FOCAD: variants seen among roughly 807,000 people sequenced by gnomAD.
The protein encoded by FOCAD is KIAA1797.
In FOCAD, 198 loss-of-function variants were observed where a neutral mutation model predicts 225.6. That is an observed-to-expected ratio of 0.88 (90% confidence interval 0.78 to 0.99). The LOEUF (loss-of-function observed/expected upper bound fraction) is 0.99. Ranked by LOEUF, FOCAD falls within the 50% of genes least tolerant of loss-of-function variation. The pLI is 0.00. For synonymous variants in FOCAD, 897 were observed against 755.0 expected (o/e 1.19, Z -3.08); for missense variants, 2,713 against 2,123.6 (o/e 1.28, Z -5.46).
intron 2 of FOCAD, among the ~76,000 whole-genome samples, chr9:20,662,184 ATG>A (rs376275474): frequency 3.3e-5 from 5 of 150,326 alleles, no homozygotes; most frequent in African/African-American, 4.9e-5. Context: ...GTGGAAATAT[ATG>A]TGTGTGTGTG....
intron 4 of FOCAD, among the ~76,000 whole-genome samples, chr9:20,721,793 C>T (rs754873769): frequency 2.0e-5 from 3 of 151,832 alleles, no homozygotes; most frequent in Non-Finnish European, 2.9e-5. Flanking sequence ...CTTTATAAAT[C>T]GTTTCCTGTT....
intron 4 of FOCAD, among the ~76,000 whole-genome samples, chr9:20,737,761 C>G (rs1173659072): frequency 6.6e-6 from 1 of 152,156 alleles, no homozygotes; most frequent in African/African-American, 2.4e-5. Context: ...AGGCACAGGC[C>G]TGGGTCAGAG....
rs149650860 is a variant in FOCAD, at chr9:20,795,929, A to G, written c.1455+6321A>G. Among the ~76,000 whole-genome samples the G allele has an allele frequency of 7.1e-3, 1,075 of 151,864 alleles. 11 individuals carry two copies. The highest frequency in any genetic ancestry group is 0.025 in the African/African-American group (1,017 of 41,386). ...GCTGTCCCCAATAACGCGTCATTTA[A>G]CATTAGGTATATCTCCTAATGCTAT... On this transcript the variant is annotated intron_variant, in intron 11 of 43. Coordinates refer to ENST00000338382, the MANE Select transcript of FOCAD (RefSeq NM_001375567.1).
intron 37 of FOCAD, 26 bp downstream of exon 37, chr9:20,978,480 C>G: frequency 6.9e-7 from 1 of 1,455,908 alleles, no homozygotes; most frequent in Non-Finnish European, 9.5e-7. Flanking sequence ...GGGTGTTGGC[C>G]AACAGGAGGA....
chr9:20,833,348 G>A (rs1251402310), intron 15 of FOCAD, among the ~76,000 whole-genome samples: 3 of 151,928 alleles, frequency 2.0e-5, no homozygotes, highest in African/African-American at 7.3e-5. Flanking sequence ...TGGTATAAAA[G>A]CCACTAACAT....
chr9:20,937,551 T>G (rs1283257974), intron 28 of FOCAD, among the ~76,000 whole-genome samples: 1 of 151,898 alleles, frequency 6.6e-6, no homozygotes, highest in Admixed American at 6.6e-5. Flanking sequence ...ACTGGATCCC[T>G]TCCTTACACC....
chr9:20,710,465 C>T (rs1045153261), intron 1 of FOCAD, among the ~76,000 whole-genome samples: 20 of 151,622 alleles, frequency 1.3e-4, no homozygotes, highest in African/African-American at 3.6e-4. Flanking sequence ...GGCGTGGTGG[C>T]GGGCACCTGT....
rs781047724 is a variant in FOCAD, at chr9:20,881,897, G to T, written c.2344G>T (p.Val782Leu). Residue 782 changes from valine to leucine, a missense_variant, in exon 20 of 44, where the codon GTG becomes TTG. Physicochemically the swap from Val to Leu is conservative, Grantham distance 32 (BLOSUM62 1). Transcript: ENST00000338382. ...PALEEFFTSL[V>L]KQEMVNMPRG... is the part of the protein sequence containing the mutation. ...TTTGGAGGAATTTTTTACATCACTT[G>T]TGAAGCAAGAAATGGTGAATATGCC... 2.2e-5 allele frequency: 36 copies of T among 1,613,092 alleles called. No homozygotes were observed. In the East Asian group the frequency reaches 7.6e-4, roughly 34 times the overall value.
Position 20,926,415 on chromosome 9 carries a change from T to G in FOCAD, c.3076T>G (p.Tyr1026Asp). 1 of 1,551,806 alleles carries G rather than the reference T, an allele frequency of 6.4e-7. No homozygotes were observed. ...AGGGCAACTTCTCTCCTGGTTTTAT[T>G]ATGTAAGTGCAAAAAATAAAAAATG... ...PRGQLLSWFYYKSYSGENTAS... is the reference protein window; with the variant it reads ...PRGQLLSWFYDKSYSGENTAS... Residue 1026 changes from tyrosine to aspartate, a missense_variant and splice_region_variant, in exon 26 of 44, where the codon TAT (tyrosine) becomes GAT (aspartate). By Grantham distance (160) the Tyr-to-Asp change is radical. Transcript: ENST00000338382.
At chr9:20,870,460 A>T (rs569388883) in intron 18 of FOCAD, among the ~76,000 whole-genome samples, 133 of 152,354 alleles carry the variant, frequency 8.7e-4, no homozygotes, top group Non-Finnish European at 1.5e-3. Flanking sequence ...TACACTTTCC[A>T]GTACAGATGG....
At chr9:20,709,659 T>G (rs1338061286) in intron 1 of FOCAD, among the ~76,000 whole-genome samples, 1 of 152,194 alleles carries the variant, frequency 6.6e-6, no homozygotes, top group Non-Finnish European at 1.5e-5. Flanking sequence ...ATATAAGTCT[T>G]CAGCAAATGA....
At chr9:20,982,672 A>G (rs1840806150) in intron 39 of FOCAD, among the ~76,000 whole-genome samples, 1 of 152,140 alleles carries the variant, frequency 6.6e-6, no homozygotes, top group South Asian at 2.1e-4. Context: ...TAACTTTTTA[A>G]CCCGATTTCT....
At chr9:20,688,783 T>C (rs997645716) in intron 1 of FOCAD, among the ~76,000 whole-genome samples, 2 of 152,138 alleles carry the variant, frequency 1.3e-5, no homozygotes, top group African/African-American at 4.8e-5. Context: ...TCAGATGCCA[T>C]AGGGAATAGG....
intron 2 of FOCAD, among the ~76,000 whole-genome samples, chr9:20,672,661 G>A (rs560011045): frequency 1.3e-5 from 2 of 152,274 alleles, no homozygotes; most frequent in South Asian, 4.1e-4. Flanking sequence ...ACATTGGCCG[G>A]GCTGGTCTTG....
intron 2 of FOCAD, among the ~76,000 whole-genome samples, chr9:20,665,752 T>C (rs1475283186): frequency 1.3e-5 from 2 of 152,124 alleles, no homozygotes; most frequent in Non-Finnish European, 2.9e-5. Context: ...TTTTAATGGC[T>C]GGGCACGGTG....
chr9:20,780,110 C>T (rs143376811), intron 9 of FOCAD, among the ~76,000 whole-genome samples: 84 of 152,238 alleles, frequency 5.5e-4, no homozygotes, highest in Middle Eastern at 6.8e-3. Context: ...CCATAAAATT[C>T]AGAATAAAGT....
chr9:20,946,978 G>A (rs1180978679), intron 30 of FOCAD, among the ~76,000 whole-genome samples, 158 bp downstream of exon 30: 1 of 152,162 alleles, frequency 6.6e-6, no homozygotes, highest in Non-Finnish European at 1.5e-5. Context: ...GTAGCCAAAA[G>A]TCACAGATGT....
chr9:20,677,421 T>G (rs1461631197), intron 2 of FOCAD, among the ~76,000 whole-genome samples: 4 of 152,034 alleles, frequency 2.6e-5, no homozygotes, highest in African/African-American at 9.7e-5. Flanking sequence ...AACAACAGAA[T>G]TAAGAGACAA....
intron 42 of FOCAD, among the ~76,000 whole-genome samples, chr9:20,990,641 C>T (rs951463006): frequency 2.0e-5 from 3 of 152,178 alleles, no homozygotes; most frequent in Non-Finnish European, 4.4e-5. Context: ...ATTGAAGGCA[C>T]TTGTTTTCTT....
Sources: allele counts gnomAD v4.1 joint callset (sites outside exome capture counted in the v4.1 genomes callset), GRCh38; gene constraint gnomAD v4.1.1; transcripts MANE v1.5; gene names NCBI Gene and HGNC (gene_info 2026-07-23, HGNC 2026-07-21).